The following TGFB2 variants were observed in gnomAD, a reference collection of about 807,000 sequenced individuals.
TGFB2 encodes the protein transforming growth factor beta 2.
In TGFB2, 13 loss-of-function variants were observed where a neutral mutation model predicts 42.7. The observed-to-expected ratio is 0.30, with a 90% CI of 0.20 to 0.48. The LOEUF (loss-of-function observed/expected upper bound fraction) is 0.48. Among genes scored for constraint, TGFB2 ranks in the 20% least tolerant of loss-of-function variants. The pLI, the probability that TGFB2 is intolerant of heterozygous loss-of-function variation, is 0.99. For missense variants in TGFB2, 390 were observed against 517.5 expected (o/e 0.75, Z 2.39); for synonymous variants, 193 against 193.6 (o/e 1.00, Z 0.03).
chr1:218,364,518 A>G (rs754048190), intron 1 of TGFB2, among the ~76,000 whole-genome samples: 1 of 152,202 alleles, frequency 6.6e-6, no homozygotes, highest in Non-Finnish European at 1.5e-5. Flanking sequence ...CAGACTTGCA[A>G]TCCTGGCATT....
chr1:218,382,443 G>A (rs1657995873), intron 1 of TGFB2, among the ~76,000 whole-genome samples: 1 of 152,116 alleles, frequency 6.6e-6, no homozygotes, highest in Non-Finnish European at 1.5e-5. Flanking sequence ...GGAGTAATAG[G>A]TGCCCCAAGA....
chr1:218,349,987 G>C (rs1199015632), intron 1 of TGFB2, among the ~76,000 whole-genome samples: 1 of 152,208 alleles, frequency 6.6e-6, no homozygotes, highest in Non-Finnish European at 1.5e-5. Flanking sequence ...AAGACTCGAA[G>C]TGGAGTTATG....
rs750470386 is a variant in TGFB2, at chr1:218,442,265, T to G, written c.*903T>G. 2.6e-5 allele frequency: 4 copies of G among 152,126 alleles called. No homozygotes were observed. Among genetic ancestry groups the G allele is most frequent in the Admixed American group, 6.5e-5 (1 of 15,272 alleles). The allele number at this position is 152,126 out of a possible 1,614,324, so 9.4% of individuals were successfully genotyped here. On this transcript the variant is annotated 3_prime_UTR_variant, in exon 7 of 7. Coordinates refer to ENST00000366930, the MANE Select transcript of TGFB2 (RefSeq NM_003238.6). ...CTTCAGACCTTAAAATATTGCTGTA[T>G]AGCTATGCTATAGGTTTTTTCCTTT... is the stretch of plus-strand genomic sequence containing the variant.
chr1:218,403,469 G>A (rs924891677), intron 1 of TGFB2, among the ~76,000 whole-genome samples: 1 of 152,126 alleles, frequency 6.6e-6, no homozygotes, highest in Non-Finnish European at 1.5e-5. Flanking sequence ...CAGTGTAATC[G>A]TCAGGGCATG....
intron 2 of TGFB2, among the ~76,000 whole-genome samples, chr1:218,417,252 C>T (rs1254354074): frequency 6.6e-6 from 1 of 152,192 alleles, no homozygotes; most frequent in Non-Finnish European, 1.5e-5. Flanking sequence ...AAGGTCTAGG[C>T]TGAGGTGGTC....
At chr1:218,435,543 T>C (rs1659942797) in intron 4 of TGFB2, among the ~76,000 whole-genome samples, 1 of 152,216 alleles carries the variant, frequency 6.6e-6, no homozygotes, top group African/African-American at 2.4e-5. Flanking sequence ...GGAAAGTCTT[T>C]TGAGTTTAGT....
intron 1 of TGFB2, among the ~76,000 whole-genome samples, chr1:218,402,064 G>T (rs1658740400): frequency 6.6e-6 from 1 of 152,210 alleles, no homozygotes; most frequent in African/African-American, 2.4e-5. Context: ...GGGGTAGTTG[G>T]TTCTTCAGTT....
intron 5 of TGFB2, 151 bp from the exon 6 acceptor site, chr1:218,437,192 C>T (rs1659997191): frequency 6.5e-6 from 5 of 764,458 alleles, no homozygotes; most frequent in Non-Finnish European, 8.3e-6. Context: ...TACAATAAAG[C>T]CATTAAAACC....
intron 2 of TGFB2, among the ~76,000 whole-genome samples, chr1:218,421,483 GC>G (rs965823064): frequency 3.3e-5 from 5 of 151,500 alleles, no homozygotes; most frequent in African/African-American, 1.2e-4. Context: ...AATATACCAA[GC>G]AGGGATTGGG....
chr1:218,350,614 C>G (rs1412061317), intron 1 of TGFB2, among the ~76,000 whole-genome samples: 1 of 152,106 alleles, frequency 6.6e-6, no homozygotes, highest in Non-Finnish European at 1.5e-5. Context: ...AATGAGAATA[C>G]TGAATAGGAG....
intron 2 of TGFB2, among the ~76,000 whole-genome samples, chr1:218,423,809 G>T (rs867344406): frequency 6.6e-6 from 1 of 152,168 alleles, no homozygotes; most frequent in East Asian, 1.9e-4. Flanking sequence ...TGAATACCAG[G>T]CAATGTGACT....
chr1:218,360,912 T>A (rs1385805780), intron 1 of TGFB2, among the ~76,000 whole-genome samples: 1 of 152,128 alleles, frequency 6.6e-6, no homozygotes, highest in Admixed American at 6.5e-5. Flanking sequence ...TGGAGTGCAG[T>A]GGTGTGATCT....
chr1:218,359,782 C>A (rs1412905639), intron 1 of TGFB2, among the ~76,000 whole-genome samples: 1 of 152,124 alleles, frequency 6.6e-6, no homozygotes, highest in Non-Finnish European at 1.5e-5. Context: ...TGTGGAGAGG[C>A]TGGAGGGATT....
intron 4 of TGFB2, among the ~76,000 whole-genome samples, chr1:218,434,998 G>T (rs1046448490): frequency 1.3e-5 from 2 of 152,104 alleles, no homozygotes; most frequent in African/African-American, 4.8e-5. Context: ...AAATGTTTTG[G>T]CTTTCCCCAC....
At chr1:218,381,246 G>GTT (rs1254161258) in intron 1 of TGFB2, among the ~76,000 whole-genome samples, 11 of 131,038 alleles carry the variant, frequency 8.4e-5, no homozygotes, top group African/African-American at 1.9e-4. Context: ...GCACATTTTT[G>GTT]TTTTTGTTTT....
intron 1 of TGFB2, among the ~76,000 whole-genome samples, chr1:218,399,584 T>A (rs1658644276): frequency 6.6e-6 from 1 of 152,196 alleles, no homozygotes; most frequent in Admixed American, 6.5e-5. Flanking sequence ...ATTTCTCTTG[T>A]CACCTTTTCT....
intron 2 of TGFB2, among the ~76,000 whole-genome samples, chr1:218,423,275 T>A (rs1659515163): frequency 6.6e-6 from 1 of 152,216 alleles, no homozygotes; most frequent in South Asian, 2.1e-4. Flanking sequence ...GGGATTTAAA[T>A]AAGTTTATGT....
chr1:218,387,272 C>A (rs1362834370), intron 1 of TGFB2, among the ~76,000 whole-genome samples: 1 of 151,858 alleles, frequency 6.6e-6, no homozygotes. Context: ...CAGCAGGGTG[C>A]CCATTAAGCT....
At chr1:218,382,942 T>C (rs541396669) in intron 1 of TGFB2, among the ~76,000 whole-genome samples, 1 of 152,330 alleles carries the variant, frequency 6.6e-6, no homozygotes, top group South Asian at 2.1e-4. Flanking sequence ...TGTTTCTCTT[T>C]TGGCTACTCA....
Sources: gnomAD v4.1 joint callset for allele counts (sites outside exome capture counted in the v4.1 genomes callset) on GRCh38, gnomAD v4.1.1 for gene constraint, MANE v1.5 for transcripts, NCBI Gene and HGNC (gene_info 2026-07-23, HGNC 2026-07-21) for gene names.